SMURF2: variants seen among roughly 807,000 people sequenced by gnomAD.
SMURF2 encodes E3 ubiquitin-protein ligase SMURF2.
In SMURF2, 48 loss-of-function variants were observed where a neutral mutation model predicts 109.6. The observed-to-expected ratio is 0.44, with a 90% CI of 0.35 to 0.56. The LOEUF is 0.56. Ranked by LOEUF, SMURF2 falls within the 20% of genes least tolerant of loss-of-function variation. The pLI, the probability that SMURF2 is intolerant of heterozygous loss-of-function variation, is 0.01. For synonymous variants in SMURF2, 288 were observed against 317.1 expected (o/e 0.91, Z 0.97); for missense variants, 575 against 909.0 (o/e 0.63, Z 4.72).
chr17:64,546,897 C>G (rs922044105), intron 17 of SMURF2, among the ~76,000 whole-genome samples: 3 of 152,214 alleles, frequency 2.0e-5, no homozygotes, highest in Admixed American at 2.0e-4. Context: ...CACGCTCTCC[C>G]CCCAGGGATT....
At chr17:64,570,278 T>A (rs781836459) in intron 10 of SMURF2, among the ~76,000 whole-genome samples, 18 of 152,228 alleles carry the variant, frequency 1.2e-4, no homozygotes, top group African/African-American at 4.1e-4. Flanking sequence ...ATAAGAACTT[T>A]ACAACAAATG....
intron 1 of SMURF2, among the ~76,000 whole-genome samples, chr17:64,632,519 T>C (rs782493329): frequency 4.6e-5 from 7 of 152,172 alleles, no homozygotes; most frequent in Non-Finnish European, 8.8e-5. Context: ...GAAAGAGAGA[T>C]GGGCAGGAAA....
chr17:64,623,078 G>A (rs1970225701), intron 1 of SMURF2, among the ~76,000 whole-genome samples: 1 of 152,106 alleles, frequency 6.6e-6, no homozygotes, highest in African/African-American at 2.4e-5. Flanking sequence ...TCATTGAGGG[G>A]AAAGGAAGAG....
At chr17:64,626,767 A>G (rs2144702585) in intron 1 of SMURF2, among the ~76,000 whole-genome samples, 1 of 149,514 alleles carries the variant, frequency 6.7e-6, no homozygotes, top group Middle Eastern at 3.4e-3. Context: ...CATCAAAAAA[A>G]CAAAACAAAA....
chr17:64,585,482 T>A (rs1178026813), intron 6 of SMURF2, among the ~76,000 whole-genome samples: 5 of 152,200 alleles, frequency 3.3e-5, no homozygotes, highest in African/African-American at 1.2e-4. Context: ...TCATACTCTT[T>A]TGTAAATAAA....
At chr17:64,612,423 T>A (rs1970057719) in intron 1 of SMURF2, among the ~76,000 whole-genome samples, 1 of 152,038 alleles carries the variant, frequency 6.6e-6, no homozygotes, top group South Asian at 2.1e-4. Context: ...ATTCCAGCAC[T>A]TTGGGAGGCC....
rs561716650 is a variant in SMURF2, at chr17:64,628,001, C to G, written c.53-21361G>C. Among the ~76,000 whole-genome samples the G allele has an allele frequency of 2.0e-5, 3 of 152,292 alleles. No homozygotes were observed. In the South Asian group the frequency reaches 6.2e-4, roughly 32 times the overall value. On this transcript the variant is annotated intron_variant, in intron 1 of 18. Transcript: ENST00000262435. The stretch of plus-strand genomic sequence containing the variant: ...GTCTCCAACAGTCTTTGTACTTTAA[C>G]AGTTTGGAAGTCCCACACAGATCAT...
chr17:64,614,741 C>T (rs1479076062), intron 1 of SMURF2, among the ~76,000 whole-genome samples: 5 of 152,242 alleles, frequency 3.3e-5, no homozygotes, highest in African/African-American at 1.2e-4. Flanking sequence ...TTCACTCTCT[C>T]ATTCAACATT....
chr17:64,603,873 G>C (rs149130208), intron 2 of SMURF2, among the ~76,000 whole-genome samples: 1 of 152,274 alleles, frequency 6.6e-6, no homozygotes, highest in Non-Finnish European at 1.5e-5. Flanking sequence ...ACACATGGCA[G>C]TGTATTTTTT....
At chr17:64,567,488 A>G (rs544285823) in intron 10 of SMURF2, among the ~76,000 whole-genome samples, 137 of 152,358 alleles carry the variant, frequency 9.0e-4, no homozygotes, top group African/African-American at 3.2e-3. Context: ...ACAACTAACT[A>G]TTCAGCAAAA....
At position 64,588,608 on chromosome 17, in the gene SMURF2, T is replaced by C. The variant is rs551740948; in HGVS notation, c.401-2438A>G. Among the ~76,000 whole-genome samples the C allele has an allele frequency of 1.6e-4, 25 of 151,774 alleles. 1 individual carries two copies. In the South Asian group the frequency reaches 5.2e-3, roughly 32 times the overall value. The stretch of plus-strand genomic sequence containing the variant: ...AATACTAGAGGGGAATACAGTTTTT[T>C]TTGTTTGTTTTTTGTTTTTTTGTTT... On this transcript the variant is annotated intron_variant, in intron 5 of 18. Transcript: ENST00000262435.
intron 1 of SMURF2, among the ~76,000 whole-genome samples, chr17:64,623,322 A>C (rs7225611): frequency 0.14 from 21,098 of 152,062 alleles, 2,246 homozygotes; most frequent in African/African-American, 0.29. Context: ...TCCACTGTAT[A>C]CCCAGAGTCT....
intron 1 of SMURF2, among the ~76,000 whole-genome samples, chr17:64,626,266 A>C (rs1479233021): frequency 1.3e-5 from 2 of 151,830 alleles, no homozygotes; most frequent in Non-Finnish European, 2.9e-5. Context: ...CTCAAAAAAA[A>C]AAAAAAAACA....
intron 1 of SMURF2, among the ~76,000 whole-genome samples, chr17:64,613,244 A>C (rs1289931195): frequency 6.6e-6 from 1 of 152,230 alleles, no homozygotes; most frequent in African/African-American, 2.4e-5. Context: ...AAATGCTCAA[A>C]GAATCCATGA....
chr17:64,641,060 A>G (rs1970487443), intron 1 of SMURF2, among the ~76,000 whole-genome samples: 1 of 152,150 alleles, frequency 6.6e-6, no homozygotes, highest in African/African-American at 2.4e-5. Flanking sequence ...TCAGAGAATT[A>G]AAGAATTAAA....
At chr17:64,619,154 T>C (rs1160826702) in intron 1 of SMURF2, among the ~76,000 whole-genome samples, 1 of 152,018 alleles carries the variant, frequency 6.6e-6, no homozygotes, top group Admixed American at 6.6e-5. Context: ...AAATTTCTCA[T>C]AAAATTAACC....
At chr17:64,566,589 T>TTTTTTTTTTTTTTTTTTTTTTTTC in intron 10 of SMURF2, among the ~76,000 whole-genome samples, 1 of 125,040 alleles carries the variant, frequency 8.0e-6, no homozygotes, top group Non-Finnish European at 1.7e-5. Flanking sequence ...TTTTTTTTTT[T>TTTTTTTTTTTTTTTTTTTTTTTTC]TTGAGACAGT....
At chr17:64,648,873 C>T (rs9900810) in intron 1 of SMURF2, among the ~76,000 whole-genome samples, 22,716 of 152,062 alleles carry the variant, frequency 0.15, 2,692 homozygotes, top group African/African-American at 0.32. Context: ...TTTACTTTTC[C>T]TTATAGTTTT....
intron 12 of SMURF2, among the ~76,000 whole-genome samples, chr17:64,559,773 G>C (rs1555684360): frequency 6.6e-6 from 1 of 150,662 alleles, no homozygotes; most frequent in African/African-American, 2.4e-5. Flanking sequence ...TTTTGAGACG[G>C]AGTCACACTC....
Sources: gnomAD v4.1 joint callset for allele counts (sites outside exome capture counted in the v4.1 genomes callset) on GRCh38, gnomAD v4.1.1 for gene constraint, MANE v1.5 for transcripts, NCBI Gene and HGNC (gene_info 2026-07-23, HGNC 2026-07-21) for gene names.